PCDHA7: variants seen among roughly 807,000 people sequenced by gnomAD.
The protein encoded by PCDHA7 is protocadherin alpha 7, also known as protocadherin alpha-7.
Under a neutral mutation model 57.2 loss-of-function variants are expected in PCDHA7, and 37 were observed. The ratio of observed to expected loss-of-function variants is 0.65; its 90% CI spans 0.50 to 0.85. PCDHA7 has a LOEUF of 0.85. Among genes scored for constraint, PCDHA7 ranks in the 40% least tolerant of loss-of-function variants. The pLI is 0.00. For synonymous variants in PCDHA7, 553 were observed against 558.8 expected (o/e 0.99, Z 0.15); for missense variants, 1,188 against 1,241.8 (o/e 0.96, Z 0.65).
In PCDHA7 at chr5:141,011,141, A is replaced by G. The variant is rs1039778930; in HGVS notation, c.*1204A>G. 3.9e-5 allele frequency: 6 copies of G among 153,668 alleles called. No homozygotes were observed. In the Admixed American group the frequency reaches 3.9e-4, roughly 10 times the overall value. The allele number at this position is 153,668 out of a possible 1,614,324, so 9.5% of individuals were successfully genotyped here. On this transcript the variant is annotated 3_prime_UTR_variant, in exon 4 of 4. Coordinates refer to ENST00000525929, the MANE Select transcript of PCDHA7 (RefSeq NM_018910.3). Reference sequence around the variant, plus strand: ...ACAATTATGTGCACTTTGATACACAACCTTCTCTAACCAACTATATATCAA... The same window carrying G: ...ACAATTATGTGCACTTTGATACACAGCCTTCTCTAACCAACTATATATCAA...
chr5:140,895,023 T>C (rs781895966), intron 1 of PCDHA7, among the ~76,000 whole-genome samples: 2 of 152,204 alleles, frequency 1.3e-5, no homozygotes, highest in Non-Finnish European at 2.9e-5. Flanking sequence ...TTTCCTTTGT[T>C]TAATTGTCCC....
intron 1 of PCDHA7, chr5:140,927,595 C>A (rs2084392576): frequency 1.2e-6 from 2 of 1,614,038 alleles, no homozygotes; most frequent in South Asian, 2.2e-5. Context: ...TGTATTTGAG[C>A]GCTCCGTATA....
Position 140,842,803 on chromosome 5 carries a change from T to G in PCDHA7, c.2355+6065T>G, listed in dbSNP as rs141140865. 5,439 of 1,594,064 alleles carry G rather than the reference T, an allele frequency of 3.4e-3. 534 individuals carry two copies. In the African/African-American group the frequency reaches 0.06, roughly 17 times the overall value. On this transcript the variant is annotated intron_variant, in intron 1 of 3. Transcript: ENST00000525929. Reference sequence around the variant, plus strand: ...AGAACGCGCTGGTGTCCTACTCGCTTGTGGAGCGGCGGGTGGGCGAGCGCT... The same window carrying G: ...AGAACGCGCTGGTGTCCTACTCGCTGGTGGAGCGGCGGGTGGGCGAGCGCT...
intron 1 of PCDHA7, among the ~76,000 whole-genome samples, chr5:140,965,867 C>T (rs1267904737): frequency 1.3e-5 from 2 of 152,164 alleles, no homozygotes; most frequent in Non-Finnish European, 2.9e-5. Context: ...AAAATAAGGG[C>T]CACTTGGCCG....
intron 1 of PCDHA7, chr5:140,883,858 G>C (rs2059854560): frequency 6.2e-7 from 1 of 1,613,142 alleles, no homozygotes; most frequent in Middle Eastern, 1.8e-4. Context: ...AGCTGGAGCT[G>C]TTGCAGTTCC....
At chr5:140,851,713 T>C in intron 1 of PCDHA7, 1 of 961,328 alleles carries the variant, frequency 1.0e-6, no homozygotes, top group Non-Finnish European at 1.3e-6. Context: ...ATGTGAAGAT[T>C]CGAAACTTCG....
At chr5:140,886,364 C>T (rs2060956289) in intron 1 of PCDHA7, among the ~76,000 whole-genome samples, 1 of 152,082 alleles carries the variant, frequency 6.6e-6, no homozygotes. Context: ...CATAGGTGTA[C>T]ATGCCATGGT....
chr5:140,915,458 G>T (rs1172885235), intron 1 of PCDHA7, among the ~76,000 whole-genome samples: 11 of 152,126 alleles, frequency 7.2e-5, no homozygotes, highest in African/African-American at 2.2e-4. Flanking sequence ...TTTCCAGAAG[G>T]TTTTTATTTG....
chr5:141,009,992 C>G lies in PCDHA7; in HGVS notation c.*55C>G. 1 of 1,578,492 alleles carries G rather than the reference C, an allele frequency of 6.3e-7. No homozygotes were observed. On this transcript the variant is annotated 3_prime_UTR_variant, in exon 4 of 4. Transcript: ENST00000525929. ...CAGTTTTTGTAATAATGGCAAATCT[C>G]TCCCATGTAGCAATTCCCTGCTCCT...
intron 1 of PCDHA7, among the ~76,000 whole-genome samples, chr5:140,972,866 G>A (rs1010114234): frequency 6.6e-6 from 1 of 152,046 alleles, no homozygotes; most frequent in Non-Finnish European, 1.5e-5. Context: ...GTTTCATCAT[G>A]TTGTCCAGGA....
intron 1 of PCDHA7, chr5:140,966,588 G>A: frequency 3.6e-6 from 2 of 558,362 alleles, no homozygotes; most frequent in Non-Finnish European, 5.7e-6. Flanking sequence ...GAGGACGGTG[G>A]GGCCAGGAGC....
chr5:140,932,710 C>T (rs2088563538), intron 1 of PCDHA7, among the ~76,000 whole-genome samples: 1 of 151,522 alleles, frequency 6.6e-6, no homozygotes, highest in African/African-American at 2.4e-5. Context: ...ATAGACAACA[C>T]AATAATATTG....
At chr5:140,891,232 C>T (rs1562856029) in intron 1 of PCDHA7, among the ~76,000 whole-genome samples, 1 of 151,946 alleles carries the variant, frequency 6.6e-6, no homozygotes, top group Non-Finnish European at 1.5e-5. Context: ...TCATCCTGTT[C>T]TGGATTCAGT....
chr5:140,863,258 G>A lies in PCDHA7; in HGVS notation c.2355+26520G>A, dbSNP rs1456133535. On this transcript the variant is annotated intron_variant, in intron 1 of 3. Transcript: ENST00000525929. The stretch of plus-strand genomic sequence containing the variant: ...CGGGCTTTGGCGGGCGTCGAGGTCC[G>A]GGAGGCAGCGCTGGTGGATGTCAAC... 8 of 1,445,594 alleles carry A rather than the reference G, an allele frequency of 5.5e-6. No homozygotes were observed. In the Admixed American group the frequency reaches 9.0e-5, roughly 16 times the overall value. The allele number at this position is 1,445,594 out of a possible 1,614,324, so 89.5% of individuals were successfully genotyped here.
Position 140,870,321 on chromosome 5 carries a change from G to C in PCDHA7, c.2355+33583G>C, listed in dbSNP as rs1554164064. The C allele has an allele frequency of 1.9e-6, 3 of 1,614,222 alleles. No individual in the cohort carries two copies. In the Admixed American group the frequency reaches 5.0e-5, roughly 27 times the overall value. On this transcript the variant is annotated intron_variant, in intron 1 of 3. Transcript: ENST00000525929. Reference sequence around the variant, plus strand: ...CCACCTTCAAGAATTACTACTCGTTGGTGCTGGACAGCGCCCTGGACCGCG... The same window carrying C: ...CCACCTTCAAGAATTACTACTCGTTCGTGCTGGACAGCGCCCTGGACCGCG...
chr5:140,836,844 T>A, intron 1 of PCDHA7, 106 bp downstream of exon 1: 1 of 827,256 alleles, frequency 1.2e-6, no homozygotes, highest in Non-Finnish European at 1.8e-6. Flanking sequence ...GCTTTATGTA[T>A]AATTATTATT....
chr5:140,929,381 G>GT (rs1554207059), intron 1 of PCDHA7: 2 of 1,510,858 alleles, frequency 1.3e-6, no homozygotes, highest in African/African-American at 1.4e-5. Flanking sequence ...TGCTAGCTGT[G>GT]TTTTGAAATA....
intron 3 of PCDHA7, among the ~76,000 whole-genome samples, chr5:140,991,251 A>G (rs2097441392): frequency 6.6e-6 from 1 of 152,306 alleles, no homozygotes; most frequent in South Asian, 2.1e-4. Context: ...GCAGTATTTG[A>G]ACTCATGTCT....
rs1251484030 is a variant in PCDHA7, at chr5:140,848,856, G to A, written c.2355+12118G>A. ...GCCGCTGCAGGTTTTCCATGTGGAC[G>A]TGGAGGTGAAGGACATTAACGACAA... On this transcript the variant is annotated intron_variant, in intron 1 of 3. Coordinates refer to ENST00000525929, the MANE Select transcript of PCDHA7 (RefSeq NM_018910.3). 7.5e-6 allele frequency: 12 copies of A among 1,590,572 alleles called. 2 individuals carry two copies. Among genetic ancestry groups the A allele is most frequent in the African/African-American group, 4.1e-5 (3 of 73,826 alleles).
Sources: allele counts gnomAD v4.1 joint callset (sites outside exome capture counted in the v4.1 genomes callset), GRCh38; gene constraint gnomAD v4.1.1; transcripts MANE v1.5; gene names NCBI Gene and HGNC (gene_info 2026-07-23, HGNC 2026-07-21).